LIAS: variants seen among roughly 807,000 people sequenced by gnomAD.
LIAS encodes lipoic acid synthetase, also known as lipoyl synthase, mitochondrial.
Under a neutral mutation model 49.4 loss-of-function variants are expected in LIAS, and 36 were observed. The observed-to-expected ratio is 0.73, with a 90% CI of 0.56 to 0.96. The LOEUF is 0.96. Among genes scored for constraint, LIAS ranks in the 40% least tolerant of loss-of-function variants. The pLI is 0.00. For missense variants in LIAS, 399 were observed against 456.3 expected (o/e 0.87, Z 1.14); for synonymous variants, 145 against 155.8 (o/e 0.93, Z 0.52).
rs1268932116 is a variant in LIAS at position 39,459,285 on chromosome 4, T to C, written c.45+123T>C. On this transcript the variant is annotated intron_variant, in intron 1 of 10. Coordinates refer to ENST00000640888, the MANE Select transcript of LIAS (RefSeq NM_006859.4). ...CATTTACTACTAGCCAACGGCAGTT[T>C]TAAACGTTTTTCGTGTAATCTCATG... 4.9e-6 allele frequency: 4 copies of C among 818,026 alleles called. No homozygotes were observed. The East Asian group carries it at 7.8e-5, about 16-fold the overall frequency. 50.7% of individuals were successfully genotyped at this position (818,026 alleles called of 1,614,324 possible). A position where few individuals can be genotyped will look rare whatever the true frequency, so the allele number is the denominator to read the frequency against.
chr4:39,461,914 C>T (rs937820212), intron 2 of LIAS, among the ~76,000 whole-genome samples: 4 of 152,094 alleles, frequency 2.6e-5, no homozygotes, highest in Admixed American at 2.0e-4. Context: ...AAACTAGTCT[C>T]GAACTCCTGA....
intron 9 of LIAS, among the ~76,000 whole-genome samples, chr4:39,471,733 C>G (rs1344764630): frequency 1.3e-5 from 2 of 150,754 alleles, no homozygotes; most frequent in African/African-American, 2.5e-5. Flanking sequence ...GCCATGTTGC[C>G]CAGGCTGGTC....
chr4:39,473,691 G>C (rs1161937938), intron 10 of LIAS: 1 of 152,206 alleles, frequency 6.6e-6, no homozygotes, highest in African/African-American at 2.4e-5. Context: ...TTTTCCCCCA[G>C]AGGCAACAGA....
chr4:39,465,178 G>T lies in LIAS; in HGVS notation c.526G>T (p.Val176Phe). Residue 176 changes from valine to phenylalanine, a missense_variant, in exon 5 of 11, where the codon GTC (valine) becomes TTC (phenylalanine). This residue lies in a region of LIAS where 234 missense variants were observed against 292.2 expected (regional missense o/e 0.80). Coordinates refer to ENST00000640888, the MANE Select transcript of LIAS (RefSeq NM_006859.4). Reference sequence around the variant, plus strand: ...TGCAGAATGGGGTCTGGATTATGTTGTCCTGACATCTGTGGATCGAGATGG... The same window carrying T: ...TGCAGAATGGGGTCTGGATTATGTTTTCCTGACATCTGTGGATCGAGATGG... ...AIAEWGLDYV[V>F]LTSVDRDDMP... The T allele has an allele frequency of 6.2e-7, 1 of 1,614,008 alleles. No individual in the cohort carries two copies.
At chr4:39,467,220 T>C (rs1254640878) in intron 6 of LIAS, 2 of 170,250 alleles carry the variant, frequency 1.2e-5, no homozygotes, top group Non-Finnish European at 2.5e-5. Flanking sequence ...CTTGCAATTA[T>C]TTACTTTTTC....
Position 39,459,091 on chromosome 4 carries a change from C to G in LIAS, c.-27C>G. On this transcript the variant is annotated 5_prime_UTR_variant, in exon 1 of 11. Transcript: ENST00000640888. Reference sequence around the variant, plus strand: ...CCGGGAGTTAGCGATCCCTCAACCCCTGCACTGCGCTAGTCCTAAAGAGGA... The same window carrying G: ...CCGGGAGTTAGCGATCCCTCAACCCGTGCACTGCGCTAGTCCTAAAGAGGA... 2 of 1,614,050 alleles carry G rather than the reference C, an allele frequency of 1.2e-6. No homozygotes were observed. The highest frequency in any genetic ancestry group is 1.7e-6 in the Non-Finnish European group (2 of 1,179,886).
intron 6 of LIAS, 32 bp from the exon 7 acceptor site, chr4:39,467,482 TTCTC>T: frequency 6.5e-7 from 1 of 1,541,024 alleles, no homozygotes; most frequent in Non-Finnish European, 8.8e-7. Context: ...TGTCAGTTCT[TTCTC>T]TCTGTTTGAT....
intron 3 of LIAS, among the ~76,000 whole-genome samples, chr4:39,463,169 T>G (rs1390917369): frequency 1.3e-5 from 2 of 151,730 alleles, no homozygotes; most frequent in African/African-American, 4.8e-5. Context: ...TACAATTGCC[T>G]TGACCTCCCA....
intron 6 of LIAS, chr4:39,466,939 A>G (rs1319797476): frequency 6.6e-6 from 1 of 152,202 alleles, no homozygotes; most frequent in Non-Finnish European, 1.5e-5. Flanking sequence ...GAATAGATAT[A>G]GCCACAATAT....
chr4:39,477,214 C>A lies in LIAS; in HGVS notation c.*99C>A. 1 of 846,174 alleles carries A rather than the reference C, an allele frequency of 1.2e-6. No individual in the cohort carries two copies. 52.4% of individuals were successfully genotyped at this position (846,174 alleles called of 1,614,324 possible). A position where few individuals can be genotyped will look rare whatever the true frequency, so the allele number is the denominator to read the frequency against. On this transcript the variant is annotated 3_prime_UTR_variant, in exon 11 of 11. Coordinates refer to ENST00000640888, the MANE Select transcript of LIAS (RefSeq NM_006859.4). Reference sequence around the variant, plus strand: ...AATGCCTGGACTGCAGTGGATGTGCCCCACCTCTTTGCTTAAAAAAAAAAA... The same window carrying A: ...AATGCCTGGACTGCAGTGGATGTGCACCACCTCTTTGCTTAAAAAAAAAAA...
intron 2 of LIAS, 118 bp downstream of exon 2, chr4:39,461,080 T>C: frequency 1.2e-6 from 1 of 836,184 alleles, no homozygotes; most frequent in Non-Finnish European, 1.8e-6. Flanking sequence ...TAGCTAAAAA[T>C]CATTAGAAAG....
Position 39,468,500 on chromosome 4 carries a change from A to AT in LIAS, c.737+854_737+855insT, listed in dbSNP as rs1397366931. On this transcript the variant is annotated intron_variant, in intron 7 of 10. Transcript: ENST00000640888. ...CCATCTAGAAAGAGAAAGGAAAAAA[A>AT]AAATATATATATATATATATATTTT... 9.1e-3 allele frequency: 1,110 copies of AT among 122,052 alleles called. 7 individuals carry two copies. Among genetic ancestry groups the AT allele is most frequent in the African/African-American group, 0.03 (995 of 32,860 alleles). The allele number at this position is 122,052 out of a possible 1,614,324, so 7.6% of individuals were successfully genotyped here.
At chr4:39,460,122 C>T (rs1211205123) in intron 1 of LIAS, among the ~76,000 whole-genome samples, 1 of 152,156 alleles carries the variant, frequency 6.6e-6, no homozygotes, top group African/African-American at 2.4e-5. Context: ...CAAGTCAGGA[C>T]CAGAACAGTT....
rs778394992 is a variant in LIAS, at chr4:39,473,118, C to T, written c.973C>T (p.Pro325Ser). Residue 325 changes from proline (P) to serine (S), a missense_variant, in exon 10 of 11, where the codon CCT (proline) becomes TCT (serine). Physicochemically the swap from Pro to Ser is moderately conservative, Grantham distance 74. This residue lies in a region of LIAS where 234 missense variants were observed against 292.2 expected (regional missense o/e 0.80). Transcript: ENST00000640888. ...AATCTAGGTTGAAGAATATATTACT[C>T]CTGAAAAATTCAAATACTGGGAAAA... ...RHLKVEEYIT[P>S]EKFKYWEKVG... 6.3e-7 allele frequency: 1 copy of T among 1,588,016 alleles called. No homozygotes were observed. Among genetic ancestry groups the T allele is most frequent in the South Asian group, 1.1e-5 (1 of 90,478 alleles).
intron 3 of LIAS, 96 bp downstream of exon 3, chr4:39,462,385 C>A: frequency 2.6e-6 from 1 of 392,056 alleles, no homozygotes; most frequent in Non-Finnish European, 4.5e-6. Context: ...TAAATAATAG[C>A]AAAGAAAGTA....
chr4:39,474,958 C>G (rs1002006455), intron 10 of LIAS: 1 of 152,064 alleles, frequency 6.6e-6, no homozygotes, highest in Non-Finnish European at 1.5e-5. Context: ...CCTGAAATCC[C>G]AACACTTTGG....
intron 4 of LIAS, chr4:39,464,294 C>G (rs982264520): frequency 6.6e-6 from 1 of 151,392 alleles, no homozygotes; most frequent in Admixed American, 6.6e-5. Context: ...CATGATCATG[C>G]CACTGCGTCC....
intron 10 of LIAS, chr4:39,475,605 T>A (rs1745167814): frequency 6.6e-6 from 1 of 152,404 alleles, no homozygotes; most frequent in Admixed American, 6.5e-5. Flanking sequence ...GGCTCACGCC[T>A]GTACTCCTAG....
At chr4:39,469,449 T>C (rs1401254276) in intron 7 of LIAS, 2 of 152,256 alleles carry the variant, frequency 1.3e-5, no homozygotes, top group Admixed American at 6.5e-5. Context: ...GTTTGGCCAT[T>C]GTTGAAGTCT....
Sources: allele counts gnomAD v4.1 joint callset (sites outside exome capture counted in the v4.1 genomes callset), GRCh38; gene constraint gnomAD v4.1.1; regional missense constraint gnomAD v4.1.1; transcripts MANE v1.5; gene names NCBI Gene and HGNC (gene_info 2026-07-23, HGNC 2026-07-21).